Variants in UBE2E1 observed in about 807,000 individuals in gnomAD.
UBE2E1 encodes the protein ubiquitin-conjugating enzyme E2 E1.
Under a neutral mutation model 21.4 loss-of-function variants are expected in UBE2E1, and 6 were observed. The observed-to-expected ratio is 0.28, with a 90% CI of 0.15 to 0.55. The LOEUF (loss-of-function observed/expected upper bound fraction) is 0.55, where lower values mean the gene tolerates loss of function less well. UBE2E1 is among the 20% of genes least tolerant of loss of function. The probability of loss-of-function intolerance (pLI) is 0.93; values close to 1 mark genes in which losing one functional copy is unlikely to be tolerated. For missense variants in UBE2E1, 142 were observed against 236.5 expected, an observed-to-expected ratio of 0.60 and a Z score of 2.62; for synonymous variants, 87 against 82.7, an observed-to-expected ratio of 1.05 and a Z score of -0.28.
In UBE2E1 at chr3:23,837,075, ACT is replaced by A. The variant is rs1335650779; in HGVS notation, c.203+25568_203+25569del. Among the ~76,000 whole-genome samples, 12 of 152,180 alleles carry A rather than the reference ACT, an allele frequency of 7.9e-5. No individual in the cohort carries two copies. The South Asian group carries it at 2.5e-3, about 32-fold the overall frequency. ...ATTTGGGGAAGGAACATAAATCTCTACTCTGTTTCCTTATCTGTAAGATAGGG... is the reference window on the plus strand; with the variant it reads ...ATTTGGGGAAGGAACATAAATCTCTACTGTTTCCTTATCTGTAAGATAGGG... On this transcript the variant is annotated intron_variant, in intron 3 of 5. Transcript: ENST00000306627.
At chr3:23,875,688 A>G (rs1422055252) in intron 3 of UBE2E1, among the ~76,000 whole-genome samples, 1 of 152,198 alleles carries the variant, frequency 6.6e-6, no homozygotes, top group Non-Finnish European at 1.5e-5. Flanking sequence ...TGCCTGGGAT[A>G]GTCTCCTTCC....
chr3:23,879,268 C>T (rs997907421), intron 3 of UBE2E1: 46 of 857,044 alleles, frequency 5.4e-5, no homozygotes, highest in Non-Finnish European at 7.9e-5. Context: ...TTGTCCTAAA[C>T]ACCTACATCC....
At chr3:23,868,114 C>T (rs906732284) in intron 3 of UBE2E1, among the ~76,000 whole-genome samples, 3 of 152,138 alleles carry the variant, frequency 2.0e-5, no homozygotes, top group Non-Finnish European at 2.9e-5. Context: ...CCCCTCAGTT[C>T]CTAAGCAACT....
rs1480729132 is a variant in UBE2E1 at position 23,810,004 on chromosome 3, T to C, written c.153-1456T>C. Among the ~76,000 whole-genome samples the C allele has an allele frequency of 6.6e-6, 1 of 152,204 alleles. No homozygotes were observed. The highest frequency in any genetic ancestry group is 1.5e-5 in the Non-Finnish European group (1 of 68,030). On this transcript the variant is annotated intron_variant, in intron 2 of 5. Transcript: ENST00000306627. The surrounding 1 kb of genome is among the most constrained non-coding windows in gnomAD (Gnocchi z 5.8). ...CGTAGGGACAGGAAATGTCCTCCAG[T>C]AGGAAGGTTTATAGAACCTCCCCCA...
chr3:23,886,402 C>T (rs1701184715), intron 3 of UBE2E1, among the ~76,000 whole-genome samples: 1 of 152,146 alleles, frequency 6.6e-6, no homozygotes, highest in African/African-American at 2.4e-5. Context: ...GCTCTTTCTG[C>T]CTCTTGGCCA....
intron 3 of UBE2E1, among the ~76,000 whole-genome samples, chr3:23,825,757 T>A (rs1039648122): frequency 6.6e-6 from 1 of 151,908 alleles, no homozygotes; most frequent in Non-Finnish European, 1.5e-5. Context: ...GTGAGAGTGG[T>A]AGGAAATGAG....
rs949496869 is a variant in UBE2E1, at chr3:23,867,068, CT to C, written c.204-20487del. ...CTTAATCCTGAATCCTTCTCCTCATCTTTTTTTTTTTTCTCTTTGTTTGTTT... is the reference window on the plus strand; with the variant it reads ...CTTAATCCTGAATCCTTCTCCTCATCTTTTTTTTTTTCTCTTTGTTTGTTT... On this transcript the variant is annotated intron_variant, in intron 3 of 5. Transcript: ENST00000306627. Among the ~76,000 whole-genome samples the C allele has an allele frequency of 6.7e-3, 963 of 144,334 alleles. 4 individuals carry two copies. Among genetic ancestry groups the C allele is most frequent in the African/African-American group, 0.02 (797 of 39,734 alleles). 94.7% of individuals were successfully genotyped at this position (144,334 alleles called of 152,430 possible).
chr3:23,814,811 C>T (rs1430403166), intron 3 of UBE2E1, among the ~76,000 whole-genome samples: 4 of 152,100 alleles, frequency 2.6e-5, no homozygotes, highest in Non-Finnish European at 5.9e-5. Context: ...GACTAAATGG[C>T]ATATTTTGCC....
intron 2 of UBE2E1, among the ~76,000 whole-genome samples, chr3:23,809,868 G>A (rs1261295328): frequency 6.6e-6 from 1 of 152,134 alleles, no homozygotes; most frequent in Non-Finnish European, 1.5e-5. Context: ...GTCAAACAGC[G>A]GGAGTATGAA....
At chr3:23,852,484 GT>G (rs1311073603) in intron 3 of UBE2E1, among the ~76,000 whole-genome samples, 1 of 152,214 alleles carries the variant, frequency 6.6e-6, no homozygotes, top group Non-Finnish European at 1.5e-5. Context: ...TGTTCAGCTT[GT>G]TTATTGGTCC....
At chr3:23,821,759 A>G (rs556794508) in intron 3 of UBE2E1, among the ~76,000 whole-genome samples, 2 of 152,308 alleles carry the variant, frequency 1.3e-5, no homozygotes, top group East Asian at 3.9e-4. Context: ...ATAGGGCCGT[A>G]GGGCGCGTGT....
At chr3:23,819,411 G>A (rs1160406479) in intron 3 of UBE2E1, among the ~76,000 whole-genome samples, 1 of 152,166 alleles carries the variant, frequency 6.6e-6, no homozygotes, top group African/African-American at 2.4e-5. Flanking sequence ...TGTTTAGAAA[G>A]GCTGGTAGCC....
chr3:23,862,751 A>T (rs1700582205), intron 3 of UBE2E1, among the ~76,000 whole-genome samples: 1 of 152,078 alleles, frequency 6.6e-6, no homozygotes, highest in African/African-American at 2.4e-5. Flanking sequence ...TTTGAGACAG[A>T]GTCTTGCTCT....
At chr3:23,880,855 C>A (rs1701022261) in intron 3 of UBE2E1, among the ~76,000 whole-genome samples, 1 of 152,154 alleles carries the variant, frequency 6.6e-6, no homozygotes, top group Non-Finnish European at 1.5e-5. Flanking sequence ...CAGTCTTTGA[C>A]AGTTGGTTTG....
chr3:23,823,120 C>T lies in UBE2E1; in HGVS notation c.203+11610C>T, dbSNP rs1699680303. On this transcript the variant is annotated intron_variant, in intron 3 of 5. Transcript: ENST00000306627. The surrounding 1 kb of genome is among the most constrained non-coding windows in gnomAD (Gnocchi z 4.2). ...TTGGCCTCCCAAAGTGCTGGGATTA[C>T]AGGCATGAGCCTCTGCGCCCATCCT... is the stretch of plus-strand genomic sequence containing the variant. 6.6e-6 allele frequency among the ~76,000 whole-genome samples: 1 copy of T among 152,220 alleles called. No homozygotes were observed. Among genetic ancestry groups the T allele is most frequent in the Non-Finnish European group, 1.5e-5 (1 of 68,040 alleles).
chr3:23,878,520 G>A, intron 3 of UBE2E1, among the ~76,000 whole-genome samples: 1 of 152,354 alleles, frequency 6.6e-6, no homozygotes, highest in African/African-American at 2.4e-5. Context: ...ATGAGCAGTG[G>A]GTGGGCAGGC....
chr3:23,870,000 C>T (rs996293199), intron 3 of UBE2E1, among the ~76,000 whole-genome samples: 1 of 152,094 alleles, frequency 6.6e-6, no homozygotes, highest in Non-Finnish European at 1.5e-5. Context: ...CTGGTTGGTT[C>T]CTACTGAAGC....
At chr3:23,814,141 T>G (rs1051319224) in intron 3 of UBE2E1, among the ~76,000 whole-genome samples, 5 of 151,808 alleles carry the variant, frequency 3.3e-5, no homozygotes, top group Admixed American at 6.6e-5. Flanking sequence ...GGCGACAGAG[T>G]GAGACCCTGT....
intron 3 of UBE2E1, among the ~76,000 whole-genome samples, chr3:23,877,045 C>A (rs1217192488): frequency 6.6e-6 from 1 of 152,162 alleles, no homozygotes; most frequent in Non-Finnish European, 1.5e-5. Context: ...AGTTGGTATT[C>A]ATTGCTCTTA....
Sources: allele counts gnomAD v4.1 joint callset (sites outside exome capture counted in the v4.1 genomes callset), GRCh38; gene constraint gnomAD v4.1.1; non-coding constraint Gnocchi (gnomAD v3.1); transcripts MANE v1.5; gene names NCBI Gene and HGNC (gene_info 2026-07-23, HGNC 2026-07-21).